Variants in SCP2 observed in about 807,000 individuals in gnomAD.
SCP2 encodes the protein sterol carrier protein 2.
In SCP2, 48 loss-of-function variants were observed where a neutral mutation model predicts 71.4. That is an observed-to-expected ratio of 0.67 (90% CI 0.53 to 0.86). The LOEUF (loss-of-function observed/expected upper bound fraction) is 0.86. Ranked by LOEUF, SCP2 falls within the 40% of genes least tolerant of loss-of-function variation. The probability of loss-of-function intolerance (pLI) is 0.00; values close to 1 mark genes in which losing one functional copy is unlikely to be tolerated. For synonymous variants in SCP2, 220 were observed against 218.1 expected (o/e 1.01, Z -0.08); for missense variants, 560 against 655.6 (o/e 0.85, Z 1.59).
chr1:53,037,093 T>C (rs1871750), intron 13 of SCP2, among the ~76,000 whole-genome samples: 33,091 of 152,052 alleles, frequency 0.22, 6,011 homozygotes, highest in African/African-American at 0.5. Flanking sequence ...GGCAAGATCA[T>C]GCTACTGCAC....
At position 52,970,968 on chromosome 1, in the gene SCP2, A is replaced by ATTTTTTTTTTTTTTT. The variant is rs1200663958; in HGVS notation, c.524-3790_524-3776dup. 2.0e-4 allele frequency among the ~76,000 whole-genome samples: 14 copies of ATTTTTTTTTTTTTTT among 70,968 alleles called. 2 individuals carry two copies. Among genetic ancestry groups the ATTTTTTTTTTTTTTT allele is most frequent in the African/African-American group, 1.0e-3 (14 of 13,820 alleles). The allele number at this position is 70,968 out of a possible 152,430, so 46.6% of individuals were successfully genotyped here. ...TTTTAGAGGCTATAGAGAGACACAG[A>ATTTTTTTTTTTTTTT]TTTTTTTTTTTTTTTTTTTTTTTTT... On this transcript the variant is annotated intron_variant, in intron 6 of 15. Coordinates refer to ENST00000371514, the MANE Select transcript of SCP2 (RefSeq NM_002979.5).
chr1:52,928,217 C>A (rs912412297), intron 1 of SCP2, among the ~76,000 whole-genome samples: 1 of 152,240 alleles, frequency 6.6e-6, no homozygotes, highest in African/African-American at 2.4e-5. Flanking sequence ...ACTTACTGTG[C>A]TCGGCAGTAC....
rs184129057 is a variant in SCP2, at chr1:52,938,298, G to A, written c.70-3498G>A. On this transcript the variant is annotated intron_variant, in intron 1 of 15. Coordinates refer to ENST00000371514, the MANE Select transcript of SCP2 (RefSeq NM_002979.5). The stretch of plus-strand genomic sequence containing the variant: ...GCTTCACTTATGTATGTATATATGC[G>A]TGTACTGGGTTGTGTTGTAAAATGT... Among the ~76,000 whole-genome samples the A allele has an allele frequency of 9.1e-4, 138 of 152,258 alleles. 1 individual carries two copies. Among genetic ancestry groups the A allele is most frequent in the South Asian group, 6.0e-3 (29 of 4,820 alleles).
chr1:53,002,011 C>A (rs565429033), intron 11 of SCP2, among the ~76,000 whole-genome samples: 1 of 151,860 alleles, frequency 6.6e-6, no homozygotes, highest in Non-Finnish European at 1.5e-5. Context: ...GGTGAAACCC[C>A]GTCTCTACTA....
At chr1:53,004,753 CCAGGTTCATCT>C (rs1660519283) in intron 11 of SCP2, among the ~76,000 whole-genome samples, 1 of 152,154 alleles carries the variant, frequency 6.6e-6, no homozygotes, top group African/African-American at 2.4e-5. Context: ...AACTGAGGTA[CCAGGTTCATCT>C]CACTGGGGCT....
Position 52,976,728 on chromosome 1 carries a change from A to G in SCP2, c.633A>G (p.Ala211=). 1.3e-6 allele frequency: 2 copies of G among 1,568,688 alleles called. No individual in the cohort carries two copies. Among genetic ancestry groups the G allele is most frequent in the Non-Finnish European group, 1.8e-6 (2 of 1,139,114 alleles). ...QDEYSLDEVM[A]SKEVFDFLTI... is the part of the protein sequence containing the mutation. ...AATACAGTTTAGATGAAGTGATGGC[A>G]TCTAAAGAAGTTTTTGATTTTTTGA... The change falls in exon 8 of 16, where the codon GCA becomes GCG. Residue 211 remains alanine (A), a synonymous_variant. Transcript: ENST00000371514.
intron 12 of SCP2, among the ~76,000 whole-genome samples, chr1:53,022,600 G>T (rs1359138814): frequency 2.6e-5 from 4 of 152,298 alleles, no homozygotes; most frequent in African/African-American, 7.2e-5. Flanking sequence ...GGCCTGGTAT[G>T]TGCCAGGACC....
At chr1:52,980,697 G>A (rs947611758) in intron 10 of SCP2, among the ~76,000 whole-genome samples, 154 bp downstream of exon 10, 3 of 152,160 alleles carry the variant, frequency 2.0e-5, no homozygotes, top group Non-Finnish European at 2.9e-5. Flanking sequence ...GGTAGTGGAC[G>A]TTTTAGAACT....
chr1:53,019,780 A>T (rs886744592), intron 12 of SCP2, among the ~76,000 whole-genome samples: 2 of 152,240 alleles, frequency 1.3e-5, no homozygotes, highest in Non-Finnish European at 2.9e-5. Context: ...TTCCATACTC[A>T]TGTAGCCACC....
intron 14 of SCP2, among the ~76,000 whole-genome samples, chr1:53,044,402 A>G (rs1322463778): frequency 6.6e-6 from 1 of 152,186 alleles, no homozygotes; most frequent in East Asian, 1.9e-4. Flanking sequence ...CTGATTAGCT[A>G]TTATGACATA....
At chr1:52,995,841 A>G in intron 11 of SCP2, 1 of 1,113,850 alleles carries the variant, frequency 9.0e-7, no homozygotes, top group South Asian at 1.4e-5. Flanking sequence ...ATCTTGGAGC[A>G]GTTCACTGCC....
At chr1:52,965,637 A>AT (rs562425893) in intron 6 of SCP2, among the ~76,000 whole-genome samples, 75 of 150,786 alleles carry the variant, frequency 5.0e-4, no homozygotes, top group African/African-American at 1.7e-3. Context: ...AAGGCTACTG[A>AT]TTTTTTTTTC....
intron 12 of SCP2, among the ~76,000 whole-genome samples, chr1:53,023,424 A>G (rs1661891184): frequency 6.6e-6 from 1 of 152,222 alleles, no homozygotes; most frequent in African/African-American, 2.4e-5. Context: ...ACTGTACCAT[A>G]GATAATTCTG....
Position 53,038,974 on chromosome 1 carries a change from G to A in SCP2, c.1396G>A (p.Gly466Ser). 6.2e-7 allele frequency: 1 copy of A among 1,614,178 alleles called. No individual in the cohort carries two copies. The highest frequency in any genetic ancestry group is 8.5e-7 in the Non-Finnish European group (1 of 1,180,022). ...TATTTTTGCCTTCAAGGTGAAAGAT[G>A]GCCCTGGGGGTAAAGAGGCCACCTG... ...GGIFAFKVKD[G>S]PGGKEATWVV... Residue 466 changes from glycine to serine, a missense_variant, in exon 14 of 16, where the codon GGC becomes AGC. Gly to Ser is a moderately conservative substitution (Grantham distance 56, BLOSUM62 0). Transcript: ENST00000371514.
At chr1:52,963,892 T>C (rs1262853118) in intron 6 of SCP2, among the ~76,000 whole-genome samples, 1 of 152,146 alleles carries the variant, frequency 6.6e-6, no homozygotes, top group Non-Finnish European at 1.5e-5. Context: ...AATAAAAAGC[T>C]TTTACTGTAT....
chr1:53,026,762 A>T (rs6588453), intron 12 of SCP2, among the ~76,000 whole-genome samples: 21,746 of 152,032 alleles, frequency 0.14, 2,250 homozygotes, highest in East Asian at 0.32. Flanking sequence ...AAGCTGTGAC[A>T]GGACCACTGC....
At position 53,037,950 on chromosome 1, in the gene SCP2, T is replaced by TAC. The variant is rs67763248; in HGVS notation, c.1339-929_1339-928dup. Among the ~76,000 whole-genome samples, 828 of 120,384 alleles carry TAC rather than the reference T, an allele frequency of 6.9e-3. 19 individuals carry two copies. Among genetic ancestry groups the TAC allele is most frequent in the Admixed American group, 0.028 (329 of 11,552 alleles). The allele number at this position is 120,384 out of a possible 152,430, so 79.0% of individuals were successfully genotyped here. A position where few individuals can be genotyped will look rare whatever the true frequency, so the allele number is the denominator to read the frequency against. ...CACACAGATCCAGATCCTGTCTCTA[T>TAC]ACACACACACACACACACACACACA... On this transcript the variant is annotated intron_variant, in intron 13 of 15. Transcript: ENST00000371514.
chr1:53,029,895 G>GTT (rs949849081), intron 13 of SCP2, among the ~76,000 whole-genome samples: 1 of 146,568 alleles, frequency 6.8e-6, no homozygotes, highest in Non-Finnish European at 1.5e-5. Context: ...TTTACCCCCT[G>GTT]TTTTTTTTTT....
intron 6 of SCP2, among the ~76,000 whole-genome samples, chr1:52,969,404 G>A (rs1030412825): frequency 2.0e-5 from 3 of 152,104 alleles, no homozygotes; most frequent in African/African-American, 2.4e-5. Flanking sequence ...AGCTACTTGG[G>A]AAGCTGAAGT....
Sources: gnomAD v4.1 joint callset for allele counts (sites outside exome capture counted in the v4.1 genomes callset) on GRCh38, gnomAD v4.1.1 for gene constraint, MANE v1.5 for transcripts, NCBI Gene and HGNC (gene_info 2026-07-23, HGNC 2026-07-21) for gene names.